Variants in NPAS3 observed in about 807,000 individuals in gnomAD.
NPAS3 encodes neuronal PAS domain protein 3.
In NPAS3, 14 loss-of-function variants were observed where a neutral mutation model predicts 73.1. The ratio of observed to expected loss-of-function variants is 0.19; its 90% CI spans 0.13 to 0.30. NPAS3 has a LOEUF of 0.30. NPAS3 is among the 10% of genes least tolerant of loss of function. NPAS3 has a pLI of 1.00. For synonymous variants in NPAS3, 620 were observed against 541.5 expected, an observed-to-expected ratio of 1.14 and a Z score of -2.01; for missense variants, 1,096 against 1,250.0, an observed-to-expected ratio of 0.88 and a Z score of 1.86.
At chr14:33,446,748 A>G (rs1396256643) in intron 4 of NPAS3, among the ~76,000 whole-genome samples, 2 of 152,122 alleles carry the variant, frequency 1.3e-5, no homozygotes. Flanking sequence ...ACTTTCTGTC[A>G]GTTGTATTCA....
intron 4 of NPAS3, among the ~76,000 whole-genome samples, chr14:33,402,096 G>A (rs939614286): frequency 2.0e-4 from 31 of 151,970 alleles, no homozygotes; most frequent in African/African-American, 6.8e-4. Context: ...GCAGTCTGTT[G>A]CCCAGTAGAC....
At chr14:33,138,534 G>A (rs4982056) in intron 2 of NPAS3, among the ~76,000 whole-genome samples, 59,272 of 151,880 alleles carry the variant, frequency 0.39, 12,075 homozygotes, top group African/African-American at 0.51. Flanking sequence ...CCATGCCCCA[G>A]CATCATGCTC....
intron 2 of NPAS3, among the ~76,000 whole-genome samples, chr14:33,149,398 G>A (rs2044365200): frequency 6.6e-6 from 1 of 152,126 alleles, no homozygotes; most frequent in Non-Finnish European, 1.5e-5. Context: ...ATCAGTCAAG[G>A]TTGTGCTTAA....
intron 5 of NPAS3, among the ~76,000 whole-genome samples, chr14:33,613,891 C>G (rs1026983783): frequency 2.0e-5 from 3 of 152,292 alleles, no homozygotes; most frequent in East Asian, 1.9e-4. Context: ...CTTCTCCCCC[C>G]TCTTATAGGG....
intron 3 of NPAS3, among the ~76,000 whole-genome samples, chr14:33,342,775 T>G (rs1317535144): frequency 6.6e-6 from 1 of 152,180 alleles, no homozygotes; most frequent in Non-Finnish European, 1.5e-5. Context: ...ATGCCGTGTG[T>G]TGTTCTTTGT....
At chr14:33,407,884 G>T (rs943633383) in intron 4 of NPAS3, among the ~76,000 whole-genome samples, 2 of 152,112 alleles carry the variant, frequency 1.3e-5, no homozygotes, top group Non-Finnish European at 2.9e-5. Context: ...AATGCTTACA[G>T]CATAGGTCGG....
intron 2 of NPAS3, among the ~76,000 whole-genome samples, chr14:33,192,402 T>C (rs1455853825): frequency 6.6e-6 from 1 of 152,178 alleles, no homozygotes; most frequent in Non-Finnish European, 1.5e-5. Flanking sequence ...CTAAGAAGCA[T>C]TCTGTTGAAC....
chr14:33,190,579 G>A (rs1004168844), intron 2 of NPAS3, among the ~76,000 whole-genome samples: 47 of 152,254 alleles, frequency 3.1e-4, no homozygotes, highest in African/African-American at 1.1e-3. Context: ...CAAGTGAGTC[G>A]AAAGAAGAAA....
At chr14:33,719,249 T>G (rs1320057809) in intron 6 of NPAS3, among the ~76,000 whole-genome samples, 1 of 152,192 alleles carries the variant, frequency 6.6e-6, no homozygotes, top group East Asian at 1.9e-4. Context: ...GTGGTACCCC[T>G]GTTGTTATTC....
chr14:33,609,438 C>T (rs1462740208), intron 5 of NPAS3, among the ~76,000 whole-genome samples: 3 of 152,068 alleles, frequency 2.0e-5, no homozygotes, highest in Non-Finnish European at 4.4e-5. Context: ...TTTTGTGGCT[C>T]ATGGGTTATT....
At chr14:33,470,933 T>TAAGA (rs2050751877) in intron 4 of NPAS3, among the ~76,000 whole-genome samples, 1 of 140,838 alleles carries the variant, frequency 7.1e-6, no homozygotes, top group South Asian at 2.2e-4. Context: ...AGAGCATATT[T>TAAGA]AAAAAAAAAA....
chr14:33,298,342 A>G (rs749657609), intron 3 of NPAS3, among the ~76,000 whole-genome samples: 3 of 152,124 alleles, frequency 2.0e-5, no homozygotes, highest in African/African-American at 7.2e-5. Flanking sequence ...GTGGTTTCCA[A>G]TAAAACACCC....
At chr14:33,765,021 C>A (rs1479599550) in intron 7 of NPAS3, among the ~76,000 whole-genome samples, 1 of 152,118 alleles carries the variant, frequency 6.6e-6, no homozygotes, top group Non-Finnish European at 1.5e-5. Context: ...GTTAAACTAT[C>A]CCAATAAAAA....
chr14:33,043,417 A>G (rs1254052925), intron 1 of NPAS3, among the ~76,000 whole-genome samples: 1 of 152,144 alleles, frequency 6.6e-6, no homozygotes, highest in African/African-American at 2.4e-5. Flanking sequence ...GTGTAACAAG[A>G]CTTGATGGTA....
chr14:33,355,631 C>T (rs1222274363), intron 3 of NPAS3, among the ~76,000 whole-genome samples: 1 of 152,172 alleles, frequency 6.6e-6, no homozygotes, highest in African/African-American at 2.4e-5. Context: ...GTATTTCTCT[C>T]TCCCCAGTCT....
intron 4 of NPAS3, among the ~76,000 whole-genome samples, chr14:33,463,329 A>G (rs2050361926): frequency 6.6e-6 from 1 of 152,192 alleles, no homozygotes; most frequent in African/African-American, 2.4e-5. Flanking sequence ...GTATCACCTC[A>G]AATCTTGCAA....
chr14:33,793,843 A>G, intron 9 of NPAS3, 54 bp from the exon 10 acceptor site: 2 of 1,463,294 alleles, frequency 1.4e-6, no homozygotes, highest in South Asian at 1.3e-5. Context: ...AAAAAAAAAA[A>G]GTTATTTGAT....
At chr14:33,115,466 A>G (rs2043032136) in intron 2 of NPAS3, among the ~76,000 whole-genome samples, 2 of 152,168 alleles carry the variant, frequency 1.3e-5, no homozygotes, top group Non-Finnish European at 2.9e-5. Flanking sequence ...TGCTGGTGTC[A>G]TAAGACATCT....
intron 7 of NPAS3, among the ~76,000 whole-genome samples, chr14:33,750,747 A>T (rs1419683910): frequency 1.3e-5 from 2 of 152,214 alleles, no homozygotes; most frequent in Non-Finnish European, 2.9e-5. Context: ...TACTGGGAAG[A>T]CAAAGATGGA....
Sources: gnomAD v4.1 joint callset for allele counts (sites outside exome capture counted in the v4.1 genomes callset) on GRCh38, gnomAD v4.1.1 for gene constraint, MANE v1.5 for transcripts, NCBI Gene and HGNC (gene_info 2026-07-23, HGNC 2026-07-21) for gene names.